LAMTOR4: variants seen among roughly 807,000 people sequenced by gnomAD.
LAMTOR4 encodes the protein ragulator complex protein LAMTOR4.
LAMTOR4 carries 11 observed loss-of-function variants against 13.5 expected under a neutral mutation model. That is an observed-to-expected ratio of 0.82 (90% confidence interval 0.51 to 1.35). The LOEUF (loss-of-function observed/expected upper bound fraction) is 1.35. Among genes scored for constraint, LAMTOR4 ranks in the 40% most tolerant of loss-of-function variants. The probability of loss-of-function intolerance (pLI) is 0.00; values close to 1 mark genes in which losing one functional copy is unlikely to be tolerated. For synonymous variants in LAMTOR4, 69 were observed against 52.3 expected (o/e 1.32, Z -1.38); for missense variants, 128 against 126.2 (o/e 1.01, Z -0.07).
At chr7:100,151,326 G>A (rs1305029306) in intron 2 of LAMTOR4, among the ~76,000 whole-genome samples, 1 of 151,898 alleles carries the variant, frequency 6.6e-6, no homozygotes, top group Non-Finnish European at 1.5e-5. Context: ...GCCCGCCTCA[G>A]CCTCCCACCC....
At chr7:100,153,362 G>T in intron 2 of LAMTOR4, 38 bp from the exon 3 acceptor site, 1 of 1,430,178 alleles carries the variant, frequency 7.0e-7, no homozygotes, top group Non-Finnish European at 9.8e-7. Context: ...AGCCTGTGCC[G>T]TAATGCCCGC....
In LAMTOR4 at chr7:100,154,201, C is replaced by G; in HGVS notation, c.*237C>G. Reference sequence around the variant, plus strand: ...CTAATAAACATGAGTCTGATGTTCTCCAGCCCAGGGACATGTGTGTTTAGT... The same window carrying G: ...CTAATAAACATGAGTCTGATGTTCTGCAGCCCAGGGACATGTGTGTTTAGT... On this transcript the variant is annotated 3_prime_UTR_variant, in exon 4 of 4. Transcript: ENST00000341942. The G allele has an allele frequency of 4.0e-6, 2 of 506,288 alleles. No homozygotes were observed. The highest frequency in any genetic ancestry group is 2.1e-5 in the South Asian group (1 of 47,422). 31.4% of individuals were successfully genotyped at this position (506,288 alleles called of 1,614,324 possible).
chr7:100,151,726 C>T (rs1798709900), intron 2 of LAMTOR4, among the ~76,000 whole-genome samples: 2 of 151,554 alleles, frequency 1.3e-5, no homozygotes, highest in Non-Finnish European at 2.9e-5. Flanking sequence ...AAGATAGAGT[C>T]TCGCCGTCAC....
At chr7:100,149,783 T>TA (rs1798643242) in intron 2 of LAMTOR4, 1 of 475,730 alleles carries the variant, frequency 2.1e-6, no homozygotes, top group Non-Finnish European at 3.9e-6. Context: ...TTTATTTATT[T>TA]ATAGTTTTTG....
intron 2 of LAMTOR4, among the ~76,000 whole-genome samples, chr7:100,152,262 C>T (rs1292499931): frequency 6.6e-6 from 1 of 152,070 alleles, no homozygotes; most frequent in African/African-American, 2.4e-5. Flanking sequence ...ATTAGCCTGG[C>T]ATGGAAGCAC....
At chr7:100,152,888 T>C (rs1455394268) in intron 2 of LAMTOR4, 3 of 156,176 alleles carry the variant, frequency 1.9e-5, no homozygotes, top group Non-Finnish European at 4.3e-5. Context: ...GCACGGTGGC[T>C]CACGTCTGTA....
At chr7:100,149,014 T>C in intron 1 of LAMTOR4, 39 bp downstream of exon 1, 1 of 1,601,628 alleles carries the variant, frequency 6.2e-7, no homozygotes, top group Non-Finnish European at 8.5e-7. Flanking sequence ...CCGCCGGGGG[T>C]TCAGCGTCTC....
intron 2 of LAMTOR4, 149 bp from the exon 3 acceptor site, chr7:100,153,251 A>AT: frequency 1.5e-6 from 1 of 664,008 alleles, no homozygotes; most frequent in Non-Finnish European, 2.7e-6. Flanking sequence ...ATAGGGGGAG[A>AT]TTTCAGGTTG....
At chr7:100,153,329 A>C (rs1798766247) in intron 2 of LAMTOR4, 71 bp from the exon 3 acceptor site, 1 of 1,068,970 alleles carries the variant, frequency 9.4e-7, no homozygotes, top group South Asian at 1.4e-5. Context: ...AACCAAGGGG[A>C]CTGTGCCTGG....
Position 100,151,729 on chromosome 7 carries a change from G to A in LAMTOR4, c.85-1671G>A, listed in dbSNP as rs554710038. Among the ~76,000 whole-genome samples the A allele has an allele frequency of 4.7e-5, 7 of 147,876 alleles. No individual in the cohort carries two copies. In the East Asian group the frequency reaches 1.4e-3, roughly 30 times the overall value. ...TTGTTTTTTTTTAAGATAGAGTCTC[G>A]CCGTCACTCAGGCTGGAGTGCAGTG... On this transcript the variant is annotated intron_variant, in intron 2 of 3. Transcript: ENST00000341942.
chr7:100,149,053 G>T, intron 1 of LAMTOR4, 78 bp downstream of exon 1: 1 of 1,547,766 alleles, frequency 6.5e-7, no homozygotes. Context: ...GTTTCCCCCT[G>T]GTGGGCCTGC....
At position 100,149,493 on chromosome 7, in the gene LAMTOR4, C is replaced by T; in HGVS notation, c.4-6C>T. On this transcript the variant is annotated splice_region_variant and splice_polypyrimidine_tract_variant and intron_variant, in intron 1 of 3. Transcript: ENST00000341942. ...GCTTCTCACGACTTGCATCTTTACC[C>T]ACTAGACTTCTGCGCTGACCCAGGG... 1.2e-6 allele frequency: 2 copies of T among 1,605,388 alleles called. No homozygotes were observed. Among genetic ancestry groups the T allele is most frequent in the Non-Finnish European group, 1.7e-6 (2 of 1,172,142 alleles).
intron 2 of LAMTOR4, chr7:100,152,641 CACTT>C (rs1798739962): frequency 6.6e-6 from 1 of 152,180 alleles, no homozygotes; most frequent in Non-Finnish European, 1.5e-5. Flanking sequence ...ACTGTCCCAT[CACTT>C]ACTCTAGGGG....
chr7:100,151,607 C>T (rs971219025), intron 2 of LAMTOR4, among the ~76,000 whole-genome samples: 1 of 151,834 alleles, frequency 6.6e-6, no homozygotes, highest in African/African-American at 2.4e-5. Context: ...CCAGGATGGT[C>T]TGGATCTCCT....
chr7:100,150,211 G>A (rs1798659409), intron 2 of LAMTOR4, among the ~76,000 whole-genome samples: 2 of 152,164 alleles, frequency 1.3e-5, no homozygotes, highest in Non-Finnish European at 2.9e-5. Flanking sequence ...TTTGTATTTT[G>A]TTCCATAGTA....
Position 100,153,966 on chromosome 7 carries a change from C to T in LAMTOR4, c.*2C>T. 2 of 1,578,636 alleles carry T rather than the reference C, an allele frequency of 1.3e-6. No individual in the cohort carries two copies. The highest frequency in any genetic ancestry group is 1.7e-6 in the Non-Finnish European group (2 of 1,161,980). On this transcript the variant is annotated 3_prime_UTR_variant, in exon 4 of 4. Coordinates refer to ENST00000341942, the MANE Select transcript of LAMTOR4 (RefSeq NM_001008395.4). ...GGTCGGGAGCCCATTGATGTCTGAGCCTGCCGGAGGGCGAGGGTCGGAGAA... is the reference window on the plus strand; with the variant it reads ...GGTCGGGAGCCCATTGATGTCTGAGTCTGCCGGAGGGCGAGGGTCGGAGAA...
chr7:100,149,009 G>T (rs773484141), intron 1 of LAMTOR4, 34 bp downstream of exon 1: 3 of 1,604,038 alleles, frequency 1.9e-6, no homozygotes, highest in Non-Finnish European at 2.5e-6. Context: ...AGGACCCGCC[G>T]GGGGTTCAGC....
intron 2 of LAMTOR4, chr7:100,149,935 T>G: frequency 5.9e-6 from 1 of 170,018 alleles, no homozygotes; most frequent in Non-Finnish European, 1.3e-5. Context: ...GCCACCATGC[T>G]CTGCTAATTT....
chr7:100,150,767 C>T (rs1798674676), intron 2 of LAMTOR4, among the ~76,000 whole-genome samples: 2 of 151,738 alleles, frequency 1.3e-5, no homozygotes, highest in Admixed American at 6.6e-5. Context: ...GGGCGGATCA[C>T]GAGGTCAGGA....
Sources: allele counts gnomAD v4.1 joint callset (sites outside exome capture counted in the v4.1 genomes callset), GRCh38; gene constraint gnomAD v4.1.1; transcripts MANE v1.5; gene names NCBI Gene and HGNC (gene_info 2026-07-23, HGNC 2026-07-21).